The following KLRG1 variants were observed in gnomAD, a reference collection of about 807,000 sequenced individuals.
KLRG1 encodes killer cell lectin-like receptor subfamily G member 1.
KLRG1 carries 16 observed loss-of-function variants against 21.8 expected under a neutral mutation model. The observed-to-expected ratio is 0.73, with a 90% CI of 0.50 to 1.11. The LOEUF (loss-of-function observed/expected upper bound fraction) is 1.11, where lower values mean the gene tolerates loss of function less well. KLRG1 is among the 50% of genes most tolerant of loss of function. The pLI is 0.00. For synonymous variants in KLRG1, 69 were observed against 75.9 expected, an observed-to-expected ratio of 0.91 and a Z score of 0.47; for missense variants, 173 against 218.3, an observed-to-expected ratio of 0.79 and a Z score of 1.31.
the KLRG1 span, chr12:9,182,086 C>T: frequency 1.2e-6 from 2 of 1,612,780 alleles, no homozygotes; most frequent in Non-Finnish European, 1.7e-6. Flanking sequence ...CGTCTGACTC[C>T]ACAGGGAAGG....
At chr12:9,102,727 A>G in the KLRG1 span, among the ~76,000 whole-genome samples, 1 of 152,208 alleles carries the variant, frequency 6.6e-6, no homozygotes, top group East Asian at 1.9e-4. Flanking sequence ...GTGACAACAC[A>G]TATATGATCA....
At chr12:8,982,015 T>G (rs1380464917) in intron 1 of KLRG1, among the ~76,000 whole-genome samples, 1 of 152,226 alleles carries the variant, frequency 6.6e-6, no homozygotes, top group Non-Finnish European at 1.5e-5. Flanking sequence ...TTTTGTCTTA[T>G]ATTAGTATGA....
At chr12:9,039,821 G>A in the KLRG1 span, among the ~76,000 whole-genome samples, 746 of 152,342 alleles carry the variant, frequency 4.9e-3, 7 homozygotes, top group Non-Finnish European at 8.7e-3. Flanking sequence ...GACACAAATA[G>A]TTCTTTAGTG....
chr12:9,046,030 G>C, the KLRG1 span, among the ~76,000 whole-genome samples: 27 of 152,152 alleles, frequency 1.8e-4, no homozygotes, highest in African/African-American at 5.3e-4. Context: ...TGGGGCCTGT[G>C]GGGGGCAGGT....
downstream of KLRG1, among the ~76,000 whole-genome samples, chr12:9,011,465 T>C (rs1324715671): frequency 6.6e-6 from 1 of 150,516 alleles, no homozygotes; most frequent in African/African-American, 2.4e-5. Flanking sequence ...ATTAAACATA[T>C]CTGGGACATT....
the KLRG1 span, chr12:9,072,644 G>A: frequency 3.7e-5 from 59 of 1,613,808 alleles, no homozygotes; most frequent in Non-Finnish European, 5.0e-5. Flanking sequence ...ACCTGCCCAA[G>A]AGTCTCACCT....
At chr12:9,007,613 C>G (rs1417193574) in intron 3 of KLRG1, among the ~76,000 whole-genome samples, 1 of 152,010 alleles carries the variant, frequency 6.6e-6, no homozygotes, top group Non-Finnish European at 1.5e-5. Context: ...TGTGCTGATG[C>G]AGGGTCCAAG....
chr12:9,043,778 C>T, the KLRG1 span, among the ~76,000 whole-genome samples: 12 of 152,188 alleles, frequency 7.9e-5, no homozygotes, highest in East Asian at 1.9e-4. Context: ...ATGACTTCTG[C>T]GGCCAATTCA....
At chr12:9,197,494 T>C in the KLRG1 span, among the ~76,000 whole-genome samples, 37 of 128,928 alleles carry the variant, frequency 2.9e-4, no homozygotes, top group African/African-American at 1.1e-3. Context: ...ATATATTATA[T>C]ATAAATATAT....
chr12:9,090,227 T>C, the KLRG1 span: 1 of 1,476,022 alleles, frequency 6.8e-7, no homozygotes, highest in Non-Finnish European at 9.4e-7. Context: ...CATCTTAGAA[T>C]AAAAGGCAAA....
intron 1 of KLRG1, among the ~76,000 whole-genome samples, chr12:8,974,419 G>A (rs1168273610): frequency 6.6e-6 from 1 of 151,982 alleles, no homozygotes; most frequent in African/African-American, 2.4e-5. Flanking sequence ...CACCCACCTC[G>A]GCCTCCCAAA....
In KLRG1 at chr12:8,989,640, C is replaced by G. The variant is rs752556409; in HGVS notation, c.5C>G (p.Thr2Ser). The change falls in exon 1 of 5, where the codon ACT becomes AGT. Residue 2 changes from threonine to serine, a missense_variant. Physicochemically the swap from Thr to Ser is moderately conservative, Grantham distance 58. Around this residue, in one of 3 missense-constraint regions of KLRG1, gnomAD observed 144 missense variants for 161.5 expected, o/e 0.89. Coordinates refer to ENST00000356986, the MANE Select transcript of KLRG1 (RefSeq NM_005810.4). Reference protein sequence around the residue: MTDSVIYSMLEL... With the variant: MSDSVIYSMLEL... ...TGTGAAAGATCTTAGCTGAAGATGA[C>G]TGACAGTGTTATTTATTCCATGTTA... 1.3e-6 allele frequency: 2 copies of G among 1,599,646 alleles called. No individual in the cohort carries two copies. The highest frequency in any genetic ancestry group is 8.6e-7 in the Non-Finnish European group (1 of 1,168,314).
intron 1 of KLRG1, 32 bp from the exon 2 acceptor site, chr12:8,992,174 C>T (rs987288486): frequency 6.4e-7 from 1 of 1,550,712 alleles, no homozygotes; most frequent in African/African-American, 1.4e-5. Context: ...TGTCATCTGA[C>T]TCAGGATTGT....
At chr12:9,099,123 C>T in the KLRG1 span, among the ~76,000 whole-genome samples, 6 of 152,092 alleles carry the variant, frequency 3.9e-5, no homozygotes, top group African/African-American at 9.7e-5. Context: ...TATTTCCCAA[C>T]GTTTCATCAT....
the KLRG1 span, among the ~76,000 whole-genome samples, chr12:9,109,705 A>C: frequency 6.6e-6 from 1 of 152,186 alleles, no homozygotes; most frequent in African/African-American, 2.4e-5. Context: ...AGTCCTATTC[A>C]CAGATCACTG....
chr12:9,163,668 C>T, the KLRG1 span: 1 of 1,612,812 alleles, frequency 6.2e-7, no homozygotes. Flanking sequence ...AATATGTTAC[C>T]TCCACCAACA....
chr12:8,977,813 C>T (rs746204023), intron 1 of KLRG1, among the ~76,000 whole-genome samples: 23 of 152,082 alleles, frequency 1.5e-4, no homozygotes, highest in Non-Finnish European at 3.4e-4. Flanking sequence ...GCATACAAAT[C>T]TGTACAGTGT....
intron 3 of KLRG1, among the ~76,000 whole-genome samples, chr12:9,004,566 T>C (rs1947411715): frequency 1.3e-5 from 2 of 152,194 alleles, no homozygotes; most frequent in Admixed American, 6.5e-5. Context: ...ACTCCTGGGC[T>C]CAAGTGATCC....
the KLRG1 span, chr12:9,094,947 T>A: frequency 8.0e-7 from 1 of 1,247,054 alleles, no homozygotes; most frequent in Non-Finnish European, 1.1e-6. Flanking sequence ...TATTAGGCAA[T>A]ATATATTTAT....
Sources: gnomAD v4.1 joint callset for allele counts (sites outside exome capture counted in the v4.1 genomes callset) on GRCh38, gnomAD v4.1.1 for gene constraint, gnomAD v4.1.1 regional missense constraint, MANE v1.5 for transcripts, NCBI Gene and HGNC (gene_info 2026-07-23, HGNC 2026-07-21) for gene names.